The following ZFHX3 variants were observed in gnomAD, a reference collection of about 807,000 sequenced individuals.
ZFHX3 encodes the protein zinc finger homeobox protein 3.
ZFHX3 carries 42 observed loss-of-function variants against 279.1 expected under a neutral mutation model. The ratio of observed to expected loss-of-function variants is 0.15; its 90% CI spans 0.12 to 0.19. The LOEUF (loss-of-function observed/expected upper bound fraction) is 0.19. ZFHX3 is among the 10% of genes least tolerant of loss of function. The pLI, the probability that ZFHX3 is intolerant of heterozygous loss-of-function variation, is 1.00. For missense variants in ZFHX3, 4,981 were observed against 4,754.0 expected, an observed-to-expected ratio of 1.05 and a Z score of -1.40; for synonymous variants, 2,293 against 1,957.8, an observed-to-expected ratio of 1.17 and a Z score of -4.52.
chr16:73,541,789 T>C (rs1160417920), intron 2 of ZFHX3, among the ~76,000 whole-genome samples: 3 of 72,108 alleles, frequency 4.2e-5, no homozygotes, highest in African/African-American at 1.6e-4. Context: ...TGGTTCTCTT[T>C]TTTTTTTTTT....
chr16:73,287,256 TGTGTAGGC>T (rs1439230391), intron 4 of ZFHX3, among the ~76,000 whole-genome samples: 2 of 134,630 alleles, frequency 1.5e-5, no homozygotes, highest in Admixed American at 7.4e-5. Context: ...GGTGTGTGGG[TGTGTAGGC>T]CAGTGTGTGG....
chr16:73,630,299 T>G (rs901726062), intron 2 of ZFHX3, among the ~76,000 whole-genome samples: 8 of 152,218 alleles, frequency 5.3e-5, no homozygotes, highest in African/African-American at 1.7e-4. Context: ...GAAATTAATT[T>G]GATCATTTGG....
chr16:73,555,526 A>G (rs1042763853), intron 2 of ZFHX3, among the ~76,000 whole-genome samples: 20 of 151,444 alleles, frequency 1.3e-4, no homozygotes, highest in Admixed American at 5.3e-4. Context: ...GAAGTACTGT[A>G]AACTCTTTGA....
At chr16:72,986,819 C>T (rs984826797) in intron 1 of ZFHX3, among the ~76,000 whole-genome samples, 5 of 152,064 alleles carry the variant, frequency 3.3e-5, no homozygotes, top group Non-Finnish European at 7.3e-5. Context: ...GCAAATATAC[C>T]GAAGGTGTGT....
chr16:73,215,349 T>G (rs2144914382), intron 5 of ZFHX3, among the ~76,000 whole-genome samples: 2 of 152,304 alleles, frequency 1.3e-5, no homozygotes, highest in Middle Eastern at 6.8e-3. Context: ...ACCCCTTCCA[T>G]GCAGGCCCAT....
At chr16:73,811,872 C>G (rs1309778072) in intron 1 of ZFHX3, among the ~76,000 whole-genome samples, 2 of 152,192 alleles carry the variant, frequency 1.3e-5, no homozygotes, top group Non-Finnish European at 2.9e-5. Context: ...TCCCAGGCCT[C>G]ACTTGGCTCT....
intron 4 of ZFHX3, among the ~76,000 whole-genome samples, chr16:73,276,645 T>A (rs2014310157): frequency 6.6e-6 from 1 of 152,226 alleles, no homozygotes; most frequent in African/African-American, 2.4e-5. Context: ...CAAAACGATG[T>A]TTTCCTATAT....
intron 4 of ZFHX3, among the ~76,000 whole-genome samples, chr16:73,314,620 G>T (rs1288231024): frequency 6.6e-6 from 1 of 152,040 alleles, no homozygotes; most frequent in Non-Finnish European, 1.5e-5. Context: ...GAAATGAGGG[G>T]ATGAAAAAGG....
At chr16:73,383,049 A>T (rs943917757) in intron 3 of ZFHX3, among the ~76,000 whole-genome samples, 1 of 152,210 alleles carries the variant, frequency 6.6e-6, no homozygotes, top group Non-Finnish European at 1.5e-5. Flanking sequence ...AACACAGGAG[A>T]TGACAGAGCA....
intron 2 of ZFHX3, among the ~76,000 whole-genome samples, chr16:73,535,366 A>T (rs2019881065): frequency 6.6e-6 from 1 of 152,250 alleles, no homozygotes; most frequent in Non-Finnish European, 1.5e-5. Context: ...TAGGAATTTA[A>T]CAATCCACTC....
intron 1 of ZFHX3, among the ~76,000 whole-genome samples, chr16:73,714,790 C>T (rs761086944): frequency 2.0e-5 from 3 of 152,000 alleles, no homozygotes; most frequent in East Asian, 1.9e-4. Flanking sequence ...TGTAGTCTCC[C>T]TTTTGTCTCA....
chr16:73,415,844 G>A (rs2017561698), intron 3 of ZFHX3, among the ~76,000 whole-genome samples: 1 of 152,168 alleles, frequency 6.6e-6, no homozygotes, highest in African/African-American at 2.4e-5. Context: ...ATGGGGCTGG[G>A]CACAGTGGCT....
chr16:73,538,755 G>A (rs183567590), intron 2 of ZFHX3, among the ~76,000 whole-genome samples: 199 of 152,256 alleles, frequency 1.3e-3, no homozygotes, highest in Middle Eastern at 6.8e-3. Context: ...TATGGAAGCC[G>A]TCAGAAAAAG....
At chr16:73,251,983 T>TAACACATCA (rs1567431137) in intron 5 of ZFHX3, among the ~76,000 whole-genome samples, 2 of 88,860 alleles carry the variant, frequency 2.3e-5, no homozygotes, top group South Asian at 2.7e-4. Context: ...ACATAACACA[T>TAACACATCA]CACACACACA....
chr16:73,343,929 T>C (rs1339222910), intron 3 of ZFHX3, among the ~76,000 whole-genome samples: 1 of 152,276 alleles, frequency 6.6e-6, no homozygotes, highest in Non-Finnish European at 1.5e-5. Flanking sequence ...GCAGTAGAAT[T>C]TGACTCATAA....
intron 2 of ZFHX3, among the ~76,000 whole-genome samples, chr16:73,544,403 C>T (rs902695618): frequency 1.2e-4 from 19 of 152,198 alleles, no homozygotes; most frequent in Non-Finnish European, 2.8e-4. Context: ...ACCAATCAGG[C>T]CTGCCGGGTC....
chr16:73,753,616 C>G (rs2053780028), intron 1 of ZFHX3, among the ~76,000 whole-genome samples: 1 of 152,152 alleles, frequency 6.6e-6, no homozygotes, highest in African/African-American at 2.4e-5. Flanking sequence ...AGCAAGGTAG[C>G]AGTACCATTC....
intron 2 of ZFHX3, among the ~76,000 whole-genome samples, chr16:73,515,915 T>C (rs1286670338): frequency 6.6e-6 from 1 of 152,230 alleles, no homozygotes; most frequent in Non-Finnish European, 1.5e-5. Context: ...AGTCAAGATA[T>C]TATATTCTCT....
At chr16:73,648,558 T>TTTTG (rs535311702) in intron 2 of ZFHX3, among the ~76,000 whole-genome samples, 293 of 152,058 alleles carry the variant, frequency 1.9e-3, no homozygotes, top group Middle Eastern at 6.8e-3. Flanking sequence ...CGCAGCTAAT[T>TTTTG]TTTGTTTGTT....
Sources: allele counts gnomAD v4.1 joint callset (sites outside exome capture counted in the v4.1 genomes callset), GRCh38; gene constraint gnomAD v4.1.1; transcripts MANE v1.5; gene names NCBI Gene and HGNC (gene_info 2026-07-23, HGNC 2026-07-21).